The following NUP160 variants were observed in gnomAD, a reference collection of about 807,000 sequenced individuals.
The protein encoded by NUP160 is nucleoporin 160, also known as nuclear pore complex protein Nup160.
In NUP160, 94 loss-of-function variants were observed where a neutral mutation model predicts 196.9. The observed-to-expected ratio is 0.48, with a 90% CI of 0.40 to 0.57. NUP160 has a LOEUF of 0.57. Ranked by LOEUF, NUP160 falls within the 20% of genes least tolerant of loss-of-function variation. The pLI, the probability that NUP160 is intolerant of heterozygous loss-of-function variation, is 0.00. For synonymous variants in NUP160, 605 were observed against 619.7 expected, an observed-to-expected ratio of 0.98 and a Z score of 0.35; for missense variants, 1,638 against 1,748.3, an observed-to-expected ratio of 0.94 and a Z score of 1.13.
chr11:47,847,648 T>TGGGGGGGGGGGGGGGGGGG (rs56283744), intron 2 of NUP160, among the ~76,000 whole-genome samples, 200 bp downstream of exon 2: 2 of 77,462 alleles, frequency 2.6e-5, no homozygotes, highest in Non-Finnish European at 2.3e-5. Context: ...TGTGTGGGGG[T>TGGGGGGGGGGGGGGGGGGG]GGGGGGGGGG....
intron 23 of NUP160, among the ~76,000 whole-genome samples, chr11:47,800,947 C>T (rs985202184): frequency 1.6e-4 from 25 of 152,106 alleles, no homozygotes; most frequent in Non-Finnish European, 2.4e-4. Context: ...AAGCAGAGAC[C>T]TGAATGGAAT....
intron 2 of NUP160, among the ~76,000 whole-genome samples, chr11:47,846,546 C>T (rs750776928): frequency 6.6e-6 from 1 of 152,180 alleles, no homozygotes; most frequent in Non-Finnish European, 1.5e-5. Context: ...CCATCCCTTA[C>T]CCCATATTCA....
At chr11:47,788,361 A>G in intron 30 of NUP160, 56 bp from the exon 31 acceptor site, 1 of 1,609,094 alleles carries the variant, frequency 6.2e-7, no homozygotes. Flanking sequence ...AAATGAAACC[A>G]AAGATTTTGT....
chr11:47,780,519 G>A (rs117770498), intron 34 of NUP160, 72 bp from the exon 35 acceptor site: 37,017 of 922,578 alleles, frequency 0.04, 948 homozygotes, highest in Middle Eastern at 0.052. Context: ...GCTTTCATAG[G>A]ACTCTGTAGA....
chr11:47,833,509 A>G (rs1852115117), intron 7 of NUP160, among the ~76,000 whole-genome samples: 1 of 152,206 alleles, frequency 6.6e-6, no homozygotes, highest in Non-Finnish European at 1.5e-5. Context: ...GGGAAAACAA[A>G]TGACAGTATT....
intron 31 of NUP160, 102 bp downstream of exon 31, chr11:47,788,080 A>T (rs2097665696): frequency 2.0e-6 from 2 of 976,240 alleles, no homozygotes; most frequent in Non-Finnish European, 3.1e-6. Flanking sequence ...CAAATCATAA[A>T]TGATATATGG....
chr11:47,818,383 T>C (rs1271613953), intron 10 of NUP160, among the ~76,000 whole-genome samples: 3 of 152,230 alleles, frequency 2.0e-5, no homozygotes, highest in Admixed American at 6.5e-5. Flanking sequence ...AAACAAGCTT[T>C]GTCAAATGCC....
intron 23 of NUP160, among the ~76,000 whole-genome samples, chr11:47,800,372 G>A (rs2097673521): frequency 6.6e-6 from 1 of 151,494 alleles, no homozygotes; most frequent in Non-Finnish European, 1.5e-5. Flanking sequence ...ATTGTCATTA[G>A]TAGGAAAGTA....
In NUP160 at chr11:47,807,908, T is replaced by C. The variant is rs1383540497; in HGVS notation, c.2375+488A>G. Among the ~76,000 whole-genome samples, 4 of 152,218 alleles carry C rather than the reference T, an allele frequency of 2.6e-5. No individual in the cohort carries two copies. In the East Asian group the frequency reaches 7.7e-4, roughly 29 times the overall value. ...TGTGACTTATTTTCATTCTTATAAG[T>C]TGCCTTCAACCTGTAACAAATAAAG... On this transcript the variant is annotated intron_variant, in intron 18 of 35. Transcript: ENST00000378460.
At chr11:47,847,859 C>A in exon 2 of NUP160, 1 of 1,611,948 alleles carries the variant, frequency 6.2e-7, no homozygotes, top group Non-Finnish European at 8.5e-7. Context: ...AATGAATGAA[C>A]CTGTTTCTGG....
intron 2 of NUP160, among the ~76,000 whole-genome samples, chr11:47,845,742 T>C (rs1263434545): frequency 6.6e-6 from 1 of 152,164 alleles, no homozygotes; most frequent in East Asian, 1.9e-4. Flanking sequence ...GGTCTTACCC[T>C]TTTTCCCACC....
intron 6 of NUP160, among the ~76,000 whole-genome samples, chr11:47,836,030 T>C (rs1852167067): frequency 6.6e-6 from 1 of 152,180 alleles, no homozygotes; most frequent in Non-Finnish European, 1.5e-5. Context: ...GTGGATAACC[T>C]GAGGTCAGGA....
chr11:47,846,060 C>A (rs1852395154), intron 2 of NUP160, among the ~76,000 whole-genome samples: 2 of 150,982 alleles, frequency 1.3e-5, no homozygotes, highest in African/African-American at 2.4e-5. Context: ...CACTTGAACC[C>A]AGGAGGCGGA....
At chr11:47,832,861 T>C (rs1300431903) in intron 7 of NUP160, among the ~76,000 whole-genome samples, 1 of 152,150 alleles carries the variant, frequency 6.6e-6, no homozygotes, top group Admixed American at 6.6e-5. Context: ...ACCTTGAAAA[T>C]ATTAAGCTAA....
intron 33 of NUP160, 139 bp downstream of exon 33, chr11:47,784,783 C>T (rs1357074044): frequency 1.9e-6 from 1 of 537,396 alleles, no homozygotes. Context: ...CTCAAGCCAT[C>T]CTCCCCTGTT....
intron 7 of NUP160, among the ~76,000 whole-genome samples, chr11:47,833,212 G>A (rs1237215129): frequency 6.6e-6 from 1 of 152,162 alleles, no homozygotes; most frequent in Non-Finnish European, 1.5e-5. Flanking sequence ...CCAGCACTTT[G>A]GGAGGCTGAG....
intron 33 of NUP160, among the ~76,000 whole-genome samples, chr11:47,783,930 G>A (rs1429157779): frequency 1.3e-5 from 2 of 151,800 alleles, no homozygotes; most frequent in Non-Finnish European, 2.9e-5. Flanking sequence ...CTGACCTCAG[G>A]TGATCTGCCT....
intron 20 of NUP160, among the ~76,000 whole-genome samples, 157 bp downstream of exon 20, chr11:47,805,996 T>G (rs2097677354): frequency 6.6e-6 from 1 of 152,022 alleles, no homozygotes; most frequent in African/African-American, 2.4e-5. Context: ...GTATTTTTAG[T>G]AGAGGTGGGG....
At chr11:47,781,504 T>A (rs1267137540) in intron 34 of NUP160, among the ~76,000 whole-genome samples, 2 of 152,048 alleles carry the variant, frequency 1.3e-5, no homozygotes, top group Admixed American at 1.3e-4. Context: ...GTTTAAACGA[T>A]CCTCACACCT....
Sources: gnomAD v4.1 joint callset for allele counts (sites outside exome capture counted in the v4.1 genomes callset) on GRCh38, gnomAD v4.1.1 for gene constraint, MANE v1.5 for transcripts, NCBI Gene and HGNC (gene_info 2026-07-23, HGNC 2026-07-21) for gene names.